The following ATXN1 variants were observed in gnomAD, a reference collection of about 807,000 sequenced individuals.
The protein encoded by ATXN1 is ataxin-1.
In ATXN1, 8 loss-of-function variants were observed where a neutral mutation model predicts 56.4. That is an observed-to-expected ratio of 0.14 (90% confidence interval 0.08 to 0.26). The LOEUF (loss-of-function observed/expected upper bound fraction) is 0.26. Ranked by LOEUF, ATXN1 falls within the 10% of genes least tolerant of loss-of-function variation. The pLI is 1.00. For missense variants in ATXN1, 987 were observed against 1,106.5 expected (o/e 0.89, Z 1.53); for synonymous variants, 514 against 494.6 (o/e 1.04, Z -0.52).
intron 6 of ATXN1, among the ~76,000 whole-genome samples, chr6:16,373,258 C>T (rs555062062): frequency 6.6e-6 from 1 of 152,354 alleles, no homozygotes; most frequent in South Asian, 2.1e-4. Context: ...GTCCTGGCCA[C>T]CATTTAGAAA....
At chr6:16,735,965 T>C (rs1172255887) in intron 2 of ATXN1, among the ~76,000 whole-genome samples, 1 of 152,164 alleles carries the variant, frequency 6.6e-6, no homozygotes, top group East Asian at 1.9e-4. Flanking sequence ...TATAGTAGGC[T>C]GAGAAAAAAT....
intron 2 of ATXN1, among the ~76,000 whole-genome samples, chr6:16,678,006 C>T (rs1758722993): frequency 6.6e-6 from 1 of 152,168 alleles, no homozygotes; most frequent in Non-Finnish European, 1.5e-5. Context: ...GCTGCTCTAG[C>T]CAAAATGTTT....
intron 6 of ATXN1, among the ~76,000 whole-genome samples, chr6:16,444,321 G>A (rs993923774): frequency 5.3e-5 from 8 of 152,118 alleles, no homozygotes; most frequent in South Asian, 2.1e-4. Context: ...TGATCCCAGA[G>A]CTAAGGCAAG....
intron 4 of ATXN1, among the ~76,000 whole-genome samples, chr6:16,568,022 C>T (rs1300996438): frequency 1.3e-5 from 2 of 152,166 alleles, no homozygotes; most frequent in Non-Finnish European, 2.9e-5. Context: ...GCTCTTTTAA[C>T]CTTTAAAAAC....
intron 6 of ATXN1, among the ~76,000 whole-genome samples, chr6:16,384,080 T>G (rs1315877046): frequency 6.6e-6 from 1 of 152,238 alleles, no homozygotes; most frequent in Admixed American, 6.5e-5. Flanking sequence ...AAGAAACGCA[T>G]GCACCTGATT....
chr6:16,573,343 T>A (rs914057169), intron 4 of ATXN1, among the ~76,000 whole-genome samples: 1 of 152,134 alleles, frequency 6.6e-6, no homozygotes, highest in African/African-American at 2.4e-5. Flanking sequence ...TCCTCTCCAT[T>A]CTCCAAATCC....
Position 16,306,588 on chromosome 6 carries a change from A to T in ATXN1, c.2189T>A (p.Ile730Asn). The T allele has an allele frequency of 6.2e-7, 1 of 1,614,176 alleles. No homozygotes were observed. ...RHRYAEQENG[I>N]NQGSAQMLSE... Reference sequence around the variant, plus strand: ...GAGCATCTGGGCACTCCCCTGGTTGATTCCGTTTTCCTGCTCGGCATACCT... The same window carrying T: ...GAGCATCTGGGCACTCCCCTGGTTGTTTCCGTTTTCCTGCTCGGCATACCT... The change falls in exon 8 of 8, where the codon ATC (isoleucine) becomes AAC (asparagine). Residue 730 changes from isoleucine to asparagine, a missense_variant. Around this residue, in one of 3 missense-constraint regions of ATXN1, gnomAD observed 196 missense variants for 196.7 expected, o/e 1.00. Coordinates refer to ENST00000436367, the MANE Select transcript of ATXN1 (RefSeq NM_001128164.2). This position sits in a 1 kb window ranked among gnomAD's most constrained non-coding sequence, Gnocchi z 5.2.
chr6:16,703,052 T>C (rs1014281420), intron 2 of ATXN1, among the ~76,000 whole-genome samples: 2 of 152,050 alleles, frequency 1.3e-5, no homozygotes, highest in Non-Finnish European at 2.9e-5. Context: ...TGCGGCACTA[T>C]TCACAATAGC....
At chr6:16,541,869 GA>G (rs1177314938) in intron 4 of ATXN1, among the ~76,000 whole-genome samples, 1 of 152,160 alleles carries the variant, frequency 6.6e-6, no homozygotes, top group Non-Finnish European at 1.5e-5. Flanking sequence ...TAAAACTCAG[GA>G]TTTCTGACAT....
chr6:16,661,021 T>A (rs940847370), intron 2 of ATXN1, among the ~76,000 whole-genome samples: 3 of 151,846 alleles, frequency 2.0e-5, no homozygotes, highest in African/African-American at 7.3e-5. Context: ...GTATTTTTAG[T>A]GGAGACGGGA....
chr6:16,475,516 G>A (rs939921206), intron 6 of ATXN1, among the ~76,000 whole-genome samples: 3 of 152,170 alleles, frequency 2.0e-5, no homozygotes, highest in African/African-American at 7.2e-5. Flanking sequence ...CTCTTAACAG[G>A]TCATCAGGGT....
intron 6 of ATXN1, among the ~76,000 whole-genome samples, chr6:16,467,792 C>A (rs1760136945): frequency 1.3e-5 from 2 of 152,136 alleles, no homozygotes; most frequent in Non-Finnish European, 2.9e-5. Flanking sequence ...TAAAACAGTT[C>A]ATTTTAAACT....
intron 6 of ATXN1, among the ~76,000 whole-genome samples, chr6:16,481,410 C>T (rs1760436525): frequency 1.3e-5 from 2 of 152,214 alleles, no homozygotes; most frequent in South Asian, 4.2e-4. Context: ...TTCTCTTAGT[C>T]TGGAGATTCA....
At chr6:16,354,539 C>T (rs547896845) in intron 6 of ATXN1, among the ~76,000 whole-genome samples, 12 of 152,190 alleles carry the variant, frequency 7.9e-5, no homozygotes, top group East Asian at 7.7e-4. Flanking sequence ...TTACAGCCAC[C>T]GCACTCGGAC....
chr6:16,442,207 C>A (rs1759531457), intron 6 of ATXN1, among the ~76,000 whole-genome samples: 2 of 152,150 alleles, frequency 1.3e-5, no homozygotes, highest in African/African-American at 4.8e-5. Flanking sequence ...AGCCAAGGAT[C>A]TTATACCCAG....
At chr6:16,484,929 C>G (rs1760510029) in intron 6 of ATXN1, among the ~76,000 whole-genome samples, 1 of 145,040 alleles carries the variant, frequency 6.9e-6, no homozygotes, top group Non-Finnish European at 1.5e-5. Flanking sequence ...AGTTAAGAAG[C>G]TGGAAACCTA....
chr6:16,694,136 C>T (rs899941263), intron 2 of ATXN1, among the ~76,000 whole-genome samples: 4 of 151,408 alleles, frequency 2.6e-5, no homozygotes, highest in Admixed American at 6.6e-5. Flanking sequence ...TATCACTATC[C>T]GATTATCAGT....
chr6:16,517,341 T>A (rs1581815213), intron 5 of ATXN1, among the ~76,000 whole-genome samples: 1 of 152,268 alleles, frequency 6.6e-6, no homozygotes, highest in East Asian at 1.9e-4. Context: ...GCTGTGAGAC[T>A]GTGGGCCAGC....
At chr6:16,714,515 C>T (rs1262917) in intron 2 of ATXN1, among the ~76,000 whole-genome samples, 3,755 of 152,166 alleles carry the variant, frequency 0.025, 145 homozygotes, top group African/African-American at 0.086. Flanking sequence ...TTGAAAAATA[C>T]AGAAATGGCA....
Sources: gnomAD v4.1 joint callset for allele counts (sites outside exome capture counted in the v4.1 genomes callset) on GRCh38, gnomAD v4.1.1 for gene constraint, gnomAD v4.1.1 regional missense constraint, Gnocchi (gnomAD v3.1) non-coding constraint, MANE v1.5 for transcripts, NCBI Gene and HGNC (gene_info 2026-07-23, HGNC 2026-07-21) for gene names.